PCBP3: variants seen among roughly 807,000 people sequenced by gnomAD.
The protein encoded by PCBP3 is poly(rC) binding protein 3.
In PCBP3, 25 loss-of-function variants were observed where a neutral mutation model predicts 52.7. The ratio of observed to expected loss-of-function variants is 0.47; its 90% CI spans 0.35 to 0.66. The LOEUF is 0.66. Ranked by LOEUF, PCBP3 falls within the 30% of genes least tolerant of loss-of-function variation. The pLI, the probability that PCBP3 is intolerant of heterozygous loss-of-function variation, is 0.01. For missense variants in PCBP3, 391 were observed against 490.3 expected (o/e 0.80, Z 1.91); for synonymous variants, 162 against 183.0 (o/e 0.89, Z 0.93).
chr21:45,647,793 G>A (rs2079416891), intron 1 of PCBP3, among the ~76,000 whole-genome samples: 2 of 152,144 alleles, frequency 1.3e-5, no homozygotes, highest in Admixed American at 6.5e-5. Flanking sequence ...GGCTCATAAA[G>A]CTGTCCACAT....
chr21:45,671,076 C>T (rs2081141211), intron 2 of PCBP3, among the ~76,000 whole-genome samples: 1 of 152,188 alleles, frequency 6.6e-6, no homozygotes, highest in Non-Finnish European at 1.5e-5. Context: ...TTTCCACTGG[C>T]AAGATCCAGT....
intron 3 of PCBP3, among the ~76,000 whole-genome samples, chr21:45,743,538 G>A (rs1047758091): frequency 1.3e-5 from 2 of 152,104 alleles, no homozygotes; most frequent in African/African-American, 4.8e-5. Flanking sequence ...TCCAAGTGTT[G>A]ATTCTTGGAA....
chr21:45,646,860 G>T (rs1431267694), intron 1 of PCBP3, among the ~76,000 whole-genome samples: 3 of 152,228 alleles, frequency 2.0e-5, no homozygotes, highest in Non-Finnish European at 4.4e-5. Flanking sequence ...CAGCATGTTG[G>T]TTCTCAGCCT....
chr21:45,867,130 T>A lies in PCBP3; in HGVS notation c.10+17035T>A, dbSNP rs146880970. ...CAACGCCACAGCAGCCATAGAAGCG[T>A]GTGTGGCTGTTTAACGTGGTCTTTT... On this transcript the variant is annotated intron_variant, in intron 5 of 17. Transcript: ENST00000681687. Among the ~76,000 whole-genome samples, 547 of 152,250 alleles carry A rather than the reference T, an allele frequency of 3.6e-3. 2 individuals carry two copies. The highest frequency in any genetic ancestry group is 0.013 in the African/African-American group (529 of 41,534).
rs369376022 is a variant in PCBP3 at position 45,825,452 on chromosome 21, C to T, written c.-125-24509C>T. Among the ~76,000 whole-genome samples, 7 of 152,190 alleles carry T rather than the reference C, an allele frequency of 4.6e-5. No individual in the cohort carries two copies. In the East Asian group the frequency reaches 1.4e-3, roughly 29 times the overall value. ...GCTGGCCCTCCTGTGTGACCCGTGTCCTGCCTGCCGCCCAGCACCCTTCTG... is the reference window on the plus strand; with the variant it reads ...GCTGGCCCTCCTGTGTGACCCGTGTTCTGCCTGCCGCCCAGCACCCTTCTG... On this transcript the variant is annotated intron_variant, in intron 4 of 17. Coordinates refer to ENST00000681687, the MANE Select transcript of PCBP3 (RefSeq NM_001384156.1).
intron 2 of PCBP3, among the ~76,000 whole-genome samples, chr21:45,709,923 T>C (rs2083715679): frequency 6.6e-6 from 1 of 152,180 alleles, no homozygotes; most frequent in South Asian, 2.1e-4. Flanking sequence ...GGGCAGGTAC[T>C]TTGTAGAATG....
chr21:45,887,840 G>A (rs1432503779), intron 5 of PCBP3, among the ~76,000 whole-genome samples: 1 of 152,182 alleles, frequency 6.6e-6, no homozygotes, highest in Non-Finnish European at 1.5e-5. Context: ...CCCTGGCTTC[G>A]TGACGACCTC....
chr21:45,874,735 CTTCTT>C (rs1298492045), intron 5 of PCBP3, among the ~76,000 whole-genome samples: 3 of 152,202 alleles, frequency 2.0e-5, no homozygotes, highest in African/African-American at 7.2e-5. Context: ...CCAATGCTGT[CTTCTT>C]TTAAGATTTG....
chr21:45,902,573 C>A (rs549738418), intron 9 of PCBP3, among the ~76,000 whole-genome samples: 1 of 152,304 alleles, frequency 6.6e-6, no homozygotes, highest in South Asian at 2.1e-4. Flanking sequence ...ATACAGCAGA[C>A]CAGCATCATG....
At chr21:45,862,211 A>G (rs2094538869) in intron 5 of PCBP3, among the ~76,000 whole-genome samples, 1 of 151,970 alleles carries the variant, frequency 6.6e-6, no homozygotes, top group Non-Finnish European at 1.5e-5. Flanking sequence ...GTACATTTAA[A>G]TCATAGCAAC....
At chr21:45,863,997 CAG>C (rs1339431390) in intron 5 of PCBP3, among the ~76,000 whole-genome samples, 1 of 152,238 alleles carries the variant, frequency 6.6e-6, no homozygotes, top group Non-Finnish European at 1.5e-5. Context: ...GTTCCACTAA[CAG>C]GGTTCCTTCT....
rs542606735 is a variant in PCBP3, at chr21:45,799,474, T to G, written c.-126+44022T>G. Among the ~76,000 whole-genome samples the G allele has an allele frequency of 1.6e-3, 243 of 152,348 alleles. 1 individual carries two copies. Among genetic ancestry groups the G allele is most frequent in the Non-Finnish European group, 2.7e-3 (185 of 68,036 alleles). On this transcript the variant is annotated intron_variant, in intron 4 of 17. Coordinates refer to ENST00000681687, the MANE Select transcript of PCBP3 (RefSeq NM_001384156.1). ...CTTCCTCTGTACCTAATTTATACATTAAAATTTATCATAGGACAGTTTATA... is the reference window on the plus strand; with the variant it reads ...CTTCCTCTGTACCTAATTTATACATGAAAATTTATCATAGGACAGTTTATA...
chr21:45,710,806 C>T (rs1297591665), intron 2 of PCBP3, among the ~76,000 whole-genome samples: 1 of 152,154 alleles, frequency 6.6e-6, no homozygotes, highest in East Asian at 1.9e-4. Context: ...GATTTATCTG[C>T]TCTCACACTT....
Position 45,900,623 on chromosome 21 carries a change from G to A in PCBP3, c.222G>A (p.Glu74=), listed in dbSNP as rs2096007301. The A allele has an allele frequency of 6.2e-7, 1 of 1,605,640 alleles. No homozygotes were observed. Among genetic ancestry groups the A allele is most frequent in the Non-Finnish European group, 8.5e-7 (1 of 1,172,998 alleles). ...KGETVKKMRE[E]SGARINISEG... ...AAACTGTGAAGAAGATGCGTGAGGAGGTGAGTGTGGTGGGTCCCCACCTGT... is the reference window on the plus strand; with the variant it reads ...AAACTGTGAAGAAGATGCGTGAGGAAGTGAGTGTGGTGGGTCCCCACCTGT... The change falls in exon 8 of 18, where the codon GAG becomes GAA. Residue 74 remains glutamate (E), a splice_region_variant and synonymous_variant. Coordinates refer to ENST00000681687, the MANE Select transcript of PCBP3 (RefSeq NM_001384156.1).
intron 5 of PCBP3, among the ~76,000 whole-genome samples, chr21:45,859,217 G>A (rs1011349191): frequency 7.0e-6 from 1 of 141,878 alleles, no homozygotes; most frequent in African/African-American, 2.6e-5. Flanking sequence ...GCACTGTGCT[G>A]TGGTATCAGC....
At chr21:45,807,440 A>G (rs527645969) in intron 4 of PCBP3, among the ~76,000 whole-genome samples, 29 of 152,318 alleles carry the variant, frequency 1.9e-4, no homozygotes, top group African/African-American at 6.0e-4. Context: ...CACAATTGCT[A>G]CAAAGAGAAT....
intron 1 of PCBP3, among the ~76,000 whole-genome samples, chr21:45,644,112 G>A (rs917323259): frequency 1.3e-5 from 2 of 151,190 alleles, no homozygotes; most frequent in Non-Finnish European, 3.0e-5. Context: ...TGGCCCGCCC[G>A]CCTCCGCCCC....
chr21:45,791,486 A>G lies in PCBP3; in HGVS notation c.-126+36034A>G, dbSNP rs1332518456. Among the ~76,000 whole-genome samples the G allele has an allele frequency of 6.6e-6, 1 of 152,130 alleles. No homozygotes were observed. Among genetic ancestry groups the G allele is most frequent in the East Asian group, 1.9e-4 (1 of 5,176 alleles). On this transcript the variant is annotated intron_variant, in intron 4 of 17. Coordinates refer to ENST00000681687, the MANE Select transcript of PCBP3 (RefSeq NM_001384156.1). This position sits in a 1 kb window ranked among gnomAD's most constrained non-coding sequence, Gnocchi z 4.2. ...TGGCTTTTGTCAAGCAAGGACAAGG[A>G]ACCAAGCGGGTAGCCAGACACAAAG...
At chr21:45,842,845 G>A (rs1283312988) in intron 4 of PCBP3, among the ~76,000 whole-genome samples, 2 of 152,150 alleles carry the variant, frequency 1.3e-5, no homozygotes, top group African/African-American at 2.4e-5. Context: ...CCTCTGACCG[G>A]GCAGGGTGCT....
Sources: gnomAD v4.1 joint callset for allele counts (sites outside exome capture counted in the v4.1 genomes callset) on GRCh38, gnomAD v4.1.1 for gene constraint, Gnocchi (gnomAD v3.1) non-coding constraint, MANE v1.5 for transcripts, NCBI Gene and HGNC (gene_info 2026-07-23, HGNC 2026-07-21) for gene names.